CTNNBL1: variants seen among roughly 807,000 people sequenced by gnomAD.
The protein encoded by CTNNBL1 is catenin beta like 1, also known as beta-catenin-like protein 1.
Under a neutral mutation model 72.7 loss-of-function variants are expected in CTNNBL1, and 31 were observed. The observed-to-expected ratio is 0.43, with a 90% CI of 0.32 to 0.58. The LOEUF (loss-of-function observed/expected upper bound fraction) is 0.58, where lower values mean the gene tolerates loss of function less well. Among genes scored for constraint, CTNNBL1 ranks in the 20% least tolerant of loss-of-function variants. The probability of loss-of-function intolerance (pLI) is 0.08; values close to 1 mark genes in which losing one functional copy is unlikely to be tolerated. For synonymous variants in CTNNBL1, 240 were observed against 267.3 expected (o/e 0.90, Z 1.00); for missense variants, 534 against 725.1 (o/e 0.74, Z 3.03).
At chr20:37,814,038 A>G (rs986471329) in intron 11 of CTNNBL1, among the ~76,000 whole-genome samples, 1 of 152,152 alleles carries the variant, frequency 6.6e-6, no homozygotes, top group Non-Finnish European at 1.5e-5. Context: ...TGAGCTGTGT[A>G]TTATTACCCA....
chr20:37,726,896 CATA>C (rs1278975026), intron 1 of CTNNBL1, among the ~76,000 whole-genome samples: 2 of 152,164 alleles, frequency 1.3e-5, no homozygotes, highest in African/African-American at 2.4e-5. Context: ...CATAATTTAT[CATA>C]ATGATACCAT....
intron 1 of CTNNBL1, among the ~76,000 whole-genome samples, chr20:37,720,284 T>C (rs1422816794): frequency 2.0e-5 from 3 of 152,260 alleles, no homozygotes; most frequent in East Asian, 3.9e-4. Flanking sequence ...CATCTCACCC[T>C]CCCAAAGTGC....
At chr20:37,713,988 GT>G (rs2122563517) in intron 1 of CTNNBL1, among the ~76,000 whole-genome samples, 1 of 152,116 alleles carries the variant, frequency 6.6e-6, no homozygotes, top group East Asian at 1.9e-4. Flanking sequence ...GCTCACAGAG[GT>G]TTGGTAACTT....
intron 3 of CTNNBL1, among the ~76,000 whole-genome samples, chr20:37,742,203 C>G (rs2073222611): frequency 6.6e-6 from 1 of 152,142 alleles, no homozygotes; most frequent in Admixed American, 6.5e-5. Flanking sequence ...AAAGATGGTT[C>G]CTTGAACAGA....
chr20:37,732,062 C>T (rs150288975), intron 1 of CTNNBL1, among the ~76,000 whole-genome samples: 12 of 152,336 alleles, frequency 7.9e-5, no homozygotes, highest in East Asian at 5.8e-4. Context: ...TCTACACCCT[C>T]AACAACACTT....
At chr20:37,836,410 C>G (rs1025216462) in intron 11 of CTNNBL1, among the ~76,000 whole-genome samples, 1 of 152,208 alleles carries the variant, frequency 6.6e-6, no homozygotes, top group African/African-American at 2.4e-5. Flanking sequence ...ATGGACATGG[C>G]AGTCCATTCA....
At chr20:37,748,596 A>G (rs2073289290) in intron 4 of CTNNBL1, among the ~76,000 whole-genome samples, 1 of 152,226 alleles carries the variant, frequency 6.6e-6, no homozygotes, top group Admixed American at 6.5e-5. Flanking sequence ...TTGGGCTGCT[A>G]TAACAAAATA....
intron 13 of CTNNBL1, among the ~76,000 whole-genome samples, chr20:37,850,195 T>TGG (rs61332583): frequency 0.83 from 125,628 of 151,324 alleles, 52,224 homozygotes; most frequent in Middle Eastern, 0.89. Flanking sequence ...GTGAGCAGTC[T>TGG]GTTTTTTTTT....
chr20:37,733,922 A>AT (rs1483725816), intron 2 of CTNNBL1, among the ~76,000 whole-genome samples: 2 of 152,234 alleles, frequency 1.3e-5, no homozygotes, highest in African/African-American at 2.4e-5. Context: ...CTTAATAAAT[A>AT]TTTATTGAAT....
chr20:37,831,685 C>T (rs1008541623), intron 11 of CTNNBL1, among the ~76,000 whole-genome samples: 1 of 152,032 alleles, frequency 6.6e-6, no homozygotes, highest in Admixed American at 6.6e-5. Flanking sequence ...TATTTCTTAG[C>T]GTTAATCATA....
At chr20:37,788,723 A>G (rs1319041727) in intron 10 of CTNNBL1, among the ~76,000 whole-genome samples, 26 of 152,200 alleles carry the variant, frequency 1.7e-4, no homozygotes, top group Admixed American at 1.6e-3. Context: ...CCAGGTATTT[A>G]GGATTATATT....
intron 1 of CTNNBL1, among the ~76,000 whole-genome samples, chr20:37,703,908 G>T (rs959455364): frequency 1.3e-5 from 2 of 151,708 alleles, no homozygotes; most frequent in African/African-American, 4.9e-5. Flanking sequence ...CTCCTGAGTC[G>T]CCGGGATTAC....
chr20:37,707,497 G>T (rs947062859), intron 1 of CTNNBL1, among the ~76,000 whole-genome samples: 1 of 152,192 alleles, frequency 6.6e-6, no homozygotes, highest in African/African-American at 2.4e-5. Context: ...CAAACTTTGT[G>T]TGCAGCTTCC....
At chr20:37,810,730 G>C (rs1399470061) in intron 11 of CTNNBL1, among the ~76,000 whole-genome samples, 1 of 152,166 alleles carries the variant, frequency 6.6e-6, no homozygotes, top group Non-Finnish European at 1.5e-5. Context: ...TTATGCCAGT[G>C]AAGGAAATGG....
At chr20:37,763,737 T>C (rs772636118) in intron 5 of CTNNBL1, among the ~76,000 whole-genome samples, 1 of 152,182 alleles carries the variant, frequency 6.6e-6, no homozygotes, top group Non-Finnish European at 1.5e-5. Context: ...TGGGGGATTA[T>C]GGGAAAAAGT....
intron 6 of CTNNBL1, among the ~76,000 whole-genome samples, chr20:37,765,857 T>A (rs983416704): frequency 1.3e-5 from 2 of 152,198 alleles, no homozygotes; most frequent in African/African-American, 4.8e-5. Flanking sequence ...CTCCTCTTCC[T>A]TCTCCTCCTT....
At chr20:37,818,914 A>G (rs6013139) in intron 11 of CTNNBL1, among the ~76,000 whole-genome samples, 2,607 of 152,242 alleles carry the variant, frequency 0.017, 65 homozygotes, top group African/African-American at 0.059. Context: ...TCTGTAATAT[A>G]CTTTTCATAT....
chr20:37,701,724 G>C (rs1230167361), intron 1 of CTNNBL1, among the ~76,000 whole-genome samples: 1 of 152,160 alleles, frequency 6.6e-6, no homozygotes, highest in Non-Finnish European at 1.5e-5. Context: ...CAAAGCATAG[G>C]GTAAATGCAG....
At chr20:37,835,693 A>G (rs1016780507) in intron 11 of CTNNBL1, among the ~76,000 whole-genome samples, 4 of 152,256 alleles carry the variant, frequency 2.6e-5, no homozygotes, top group Non-Finnish European at 4.4e-5. Context: ...GTGGGCTTGT[A>G]TACTCATTGC....
Sources: allele counts gnomAD v4.1 joint callset (sites outside exome capture counted in the v4.1 genomes callset), GRCh38; gene constraint gnomAD v4.1.1; transcripts MANE v1.5; gene names NCBI Gene and HGNC (gene_info 2026-07-23, HGNC 2026-07-21).